The following PRKAR2A variants were observed in gnomAD, a reference collection of about 807,000 sequenced individuals.
PRKAR2A encodes the protein cAMP-dependent protein kinase type II-alpha regulatory subunit.
PRKAR2A carries 29 observed loss-of-function variants against 51.9 expected under a neutral mutation model. That is an observed-to-expected ratio of 0.56 (90% CI 0.42 to 0.76). PRKAR2A has a LOEUF of 0.76. Ranked by LOEUF, PRKAR2A falls within the 30% of genes least tolerant of loss-of-function variation. The probability of loss-of-function intolerance (pLI) is 0.00; values close to 1 mark genes in which losing one functional copy is unlikely to be tolerated. For missense variants in PRKAR2A, 445 were observed against 512.1 expected (o/e 0.87, Z 1.26); for synonymous variants, 178 against 186.2 (o/e 0.96, Z 0.36).
At chr3:48,787,573 T>C (rs1418477380) in intron 4 of PRKAR2A, among the ~76,000 whole-genome samples, 2 of 152,200 alleles carry the variant, frequency 1.3e-5, no homozygotes, top group Non-Finnish European at 2.9e-5. Context: ...ATAGTAACTT[T>C]AATGGTATAA....
intron 5 of PRKAR2A, among the ~76,000 whole-genome samples, chr3:48,777,504 T>G (rs578181823): frequency 6.6e-6 from 1 of 152,166 alleles, no homozygotes; most frequent in South Asian, 2.1e-4. Flanking sequence ...CTCCTGGGTT[T>G]ACACCATTCT....
chr3:48,792,455 CTT>C (rs983032500), intron 3 of PRKAR2A, among the ~76,000 whole-genome samples: 5 of 66,808 alleles, frequency 7.5e-5, no homozygotes, highest in African/African-American at 5.6e-5. Context: ...AAGGTTTAAT[CTT>C]TTTTTTTTTT....
chr3:48,841,599 T>C (rs1300876734), intron 1 of PRKAR2A, among the ~76,000 whole-genome samples: 3 of 147,100 alleles, frequency 2.0e-5, no homozygotes, highest in African/African-American at 7.5e-5. Context: ...AGGAGTGAAA[T>C]TGCTCTACCT....
intron 6 of PRKAR2A, among the ~76,000 whole-genome samples, chr3:48,769,021 A>G (rs2081982552): frequency 2.6e-5 from 4 of 151,668 alleles, no homozygotes; most frequent in Admixed American, 2.6e-4. Context: ...AATTGCTTGA[A>G]TCCTGGAGGC....
intron 1 of PRKAR2A, among the ~76,000 whole-genome samples, chr3:48,816,282 TTGTC>T (rs2082873314): frequency 6.6e-6 from 1 of 152,110 alleles, no homozygotes. Flanking sequence ...AACTGGTTCA[TTGTC>T]TGTCTAGAGT....
chr3:48,842,672 C>G (rs1229888658), intron 1 of PRKAR2A, among the ~76,000 whole-genome samples: 2 of 152,134 alleles, frequency 1.3e-5, no homozygotes, highest in African/African-American at 4.8e-5. Context: ...TTGAGATAAT[C>G]ATGTGGTTTT....
chr3:48,788,078 T>C (rs1008776314), intron 4 of PRKAR2A, among the ~76,000 whole-genome samples: 32 of 152,198 alleles, frequency 2.1e-4, no homozygotes, highest in African/African-American at 7.2e-4. Context: ...TCGCCAAGGC[T>C]GGAGTTCAGT....
chr3:48,773,720 TCCC>T (rs957987897), intron 5 of PRKAR2A, among the ~76,000 whole-genome samples: 4 of 151,164 alleles, frequency 2.6e-5, no homozygotes, highest in Non-Finnish European at 4.4e-5. Context: ...TTCCTTTTTT[TCCC>T]CCCATCTTTA....
chr3:48,847,743 C>T lies in PRKAR2A; in HGVS notation c.-147G>A. 1.2e-6 allele frequency: 1 copy of T among 842,282 alleles called. No individual in the cohort carries two copies. The highest frequency in any genetic ancestry group is 1.6e-6 in the Non-Finnish European group (1 of 606,070). The allele number at this position is 842,282 out of a possible 1,614,324, so 52.2% of individuals were successfully genotyped here. On this transcript the variant is annotated 5_prime_UTR_variant, in exon 1 of 11. Transcript: ENST00000265563. The surrounding 1 kb of genome is among the most constrained non-coding windows in gnomAD (Gnocchi z 4.4). ...TCGCGCCGCTCTTTGGCCGGCTCTG[C>T]GTTTCCGGGCCGCGCAACCCTACGC...
At chr3:48,778,847 T>C (rs1269205153) in intron 5 of PRKAR2A, among the ~76,000 whole-genome samples, 6 of 108,276 alleles carry the variant, frequency 5.5e-5, no homozygotes, top group African/African-American at 1.1e-4. Flanking sequence ...TTTTTTGAGA[T>C]GGAGTTTCAC....
chr3:48,794,117 A>C, intron 2 of PRKAR2A, 68 bp from the exon 3 acceptor site: 3 of 1,221,418 alleles, frequency 2.5e-6, no homozygotes, highest in Non-Finnish European at 3.5e-6. Context: ...AAAAATAGGA[A>C]GTGAACTCAA....
At chr3:48,806,540 C>T (rs1313814973) in intron 2 of PRKAR2A, among the ~76,000 whole-genome samples, 1 of 151,520 alleles carries the variant, frequency 6.6e-6, no homozygotes, top group Non-Finnish European at 1.5e-5. Flanking sequence ...CCTATGTGTC[C>T]AGCAGTGTTT....
chr3:48,764,244 A>G (rs2081905177), intron 8 of PRKAR2A, among the ~76,000 whole-genome samples: 1 of 152,228 alleles, frequency 6.6e-6, no homozygotes, highest in African/African-American at 2.4e-5. Flanking sequence ...AAATTATCAG[A>G]CAGTACTCAT....
chr3:48,803,458 C>T (rs2082622790), intron 2 of PRKAR2A, among the ~76,000 whole-genome samples: 1 of 152,102 alleles, frequency 6.6e-6, no homozygotes, highest in Non-Finnish European at 1.5e-5. Flanking sequence ...GAGTCTTGCT[C>T]TTGTCACCCA....
intron 2 of PRKAR2A, 69 bp from the exon 3 acceptor site, chr3:48,794,118 G>A (rs372033626): frequency 8.4e-7 from 1 of 1,197,370 alleles, no homozygotes. Context: ...AAAATAGGAA[G>A]TGAACTCAAT....
chr3:48,847,464 C>G lies in PRKAR2A; in HGVS notation c.133G>C (p.Ala45Pro). 1 of 1,568,282 alleles carries G rather than the reference C, an allele frequency of 6.4e-7. No homozygotes were observed. Among genetic ancestry groups the G allele is most frequent in the Non-Finnish European group, 8.6e-7 (1 of 1,156,922 alleles). ...GCGGCGGGCAGGACTGAGGCTGGGG[C>G]GCGGGCCTCGCGCAGGCGGGTGAAG... ...EYFTRLREAR[A>P]PASVLPAATP... Residue 45 changes from alanine (A) to proline (P), a missense_variant, in exon 1 of 11, where the codon GCC (alanine) becomes CCC (proline). Coordinates refer to ENST00000265563, the MANE Select transcript of PRKAR2A (RefSeq NM_004157.4). The surrounding 1 kb of genome is among the most constrained non-coding windows in gnomAD (Gnocchi z 4.4).
chr3:48,800,306 A>G (rs185314183), intron 2 of PRKAR2A, among the ~76,000 whole-genome samples: 1 of 151,448 alleles, frequency 6.6e-6, no homozygotes, highest in African/African-American at 2.4e-5. Context: ...CAAGGTCAGG[A>G]GTTCAAGACC....
intron 1 of PRKAR2A, among the ~76,000 whole-genome samples, chr3:48,808,802 C>T (rs1200003935): frequency 2.4e-5 from 3 of 126,938 alleles, no homozygotes; most frequent in Non-Finnish European, 3.2e-5. Context: ...CAGGCGTGAG[C>T]CACCGCGCCT....
chr3:48,837,950 A>G (rs571862017), intron 1 of PRKAR2A, among the ~76,000 whole-genome samples: 1 of 151,716 alleles, frequency 6.6e-6, no homozygotes, highest in South Asian at 2.1e-4. Flanking sequence ...AGGCTGAGGC[A>G]GGCGGATCAC....
Sources: gnomAD v4.1 joint callset for allele counts (sites outside exome capture counted in the v4.1 genomes callset) on GRCh38, gnomAD v4.1.1 for gene constraint, Gnocchi (gnomAD v3.1) non-coding constraint, MANE v1.5 for transcripts, NCBI Gene and HGNC (gene_info 2026-07-23, HGNC 2026-07-21) for gene names.